KIAA1217: variants seen among roughly 807,000 people sequenced by gnomAD.
KIAA1217 encodes sickle tail protein homolog.
A neutral mutation model predicts 163.9 loss-of-function variants in KIAA1217; 88 were observed. The ratio of observed to expected loss-of-function variants is 0.54; its 90% CI spans 0.45 to 0.64. The LOEUF is 0.64. Among genes scored for constraint, KIAA1217 ranks in the 30% least tolerant of loss-of-function variants. KIAA1217 has a pLI of 0.00. For missense variants in KIAA1217, 2,372 were observed against 2,475.0 expected (o/e 0.96, Z 0.88); for synonymous variants, 903 against 923.1 (o/e 0.98, Z 0.39).
At chr10:24,167,965 A>G (rs1474014267) in intron 2 of KIAA1217, among the ~76,000 whole-genome samples, 2 of 152,192 alleles carry the variant, frequency 1.3e-5, no homozygotes, top group Non-Finnish European at 2.9e-5. Flanking sequence ...AACGTTGCCC[A>G]TCCATGAGAG....
Position 24,524,444 on chromosome 10 carries a change from G to A in KIAA1217, c.2578G>A (p.Gly860Ser), listed in dbSNP as rs146210961. 6.6e-5 allele frequency: 107 copies of A among 1,614,060 alleles called. No homozygotes were observed. Among genetic ancestry groups the A allele is most frequent in the Middle Eastern group, 1.6e-4 (1 of 6,084 alleles). ...KSQEEAAHTS[G>S]QPFHSTGAPG... ...TCAGGAGGAGGCAGCCCACACCTCC[G>A]GCCAGCCCTTCCACAGCACAGGTGC... Residue 860 changes from glycine (G) to serine (S), a missense_variant, in exon 13 of 21, where the codon GGC becomes AGC. Transcript: ENST00000376454.
intron 5 of KIAA1217, among the ~76,000 whole-genome samples, chr10:24,442,481 C>G (rs1170146869): frequency 6.6e-6 from 1 of 152,200 alleles, no homozygotes; most frequent in Admixed American, 6.5e-5. Context: ...TCTGCCATCT[C>G]TAGAATTCAA....
At chr10:24,399,848 T>C (rs546200473) in intron 3 of KIAA1217, among the ~76,000 whole-genome samples, 48 of 152,144 alleles carry the variant, frequency 3.2e-4, no homozygotes, top group African/African-American at 1.0e-3. Context: ...CAGGATGAAA[T>C]ATAATAATAA....
At chr10:23,904,706 A>C (rs1214255266) in intron 1 of KIAA1217, among the ~76,000 whole-genome samples, 1 of 152,132 alleles carries the variant, frequency 6.6e-6, no homozygotes, top group African/African-American at 2.4e-5. Flanking sequence ...ATCTGACTTC[A>C]TGGAGGGCAT....
At chr10:24,149,113 T>C (rs1232179639) in intron 2 of KIAA1217, among the ~76,000 whole-genome samples, 2 of 152,238 alleles carry the variant, frequency 1.3e-5, no homozygotes, top group East Asian at 1.9e-4. Flanking sequence ...AATTATTTGA[T>C]AGAACTGACA....
At chr10:24,232,515 A>G (rs992211984) in intron 2 of KIAA1217, among the ~76,000 whole-genome samples, 9 of 152,184 alleles carry the variant, frequency 5.9e-5, no homozygotes, top group African/African-American at 2.2e-4. Context: ...ATGGAAAGGC[A>G]AGAACCGAAG....
rs904774799 is a variant in KIAA1217 at position 23,705,298 on chromosome 10, GT to G, written c.-321+10072del. 1.1e-4 allele frequency among the ~76,000 whole-genome samples: 16 copies of G among 151,694 alleles called. 1 individual carries two copies. The highest frequency in any genetic ancestry group is 4.2e-4 in the South Asian group (2 of 4,800). On this transcript the variant is annotated intron_variant, in intron 1 of 18. Coordinates refer to the KIAA1217 transcript ENST00000376462. ...ATATGTTGATGAAGTACAATTATCT[GT>G]TTTTTTTCTTTTGTTGCTTGTGCAA...
At chr10:24,448,332 A>G (rs1184782298) in intron 5 of KIAA1217, among the ~76,000 whole-genome samples, 1 of 152,106 alleles carries the variant, frequency 6.6e-6, no homozygotes, top group Non-Finnish European at 1.5e-5. Context: ...AATAAGATAG[A>G]TCTGATTTTG....
chr10:23,920,784 C>T (rs1842821623), intron 1 of KIAA1217, among the ~76,000 whole-genome samples: 1 of 152,090 alleles, frequency 6.6e-6, no homozygotes. Context: ...TGGCTGTGTC[C>T]CCACCCAAAT....
chr10:23,911,706 G>C (rs1842436760), intron 1 of KIAA1217, among the ~76,000 whole-genome samples: 2 of 152,154 alleles, frequency 1.3e-5, no homozygotes, highest in African/African-American at 4.8e-5. Flanking sequence ...AGCTGGCCTT[G>C]CCTTTTTTCA....
At chr10:24,169,913 G>A (rs143867178) in intron 2 of KIAA1217, among the ~76,000 whole-genome samples, 54 of 152,180 alleles carry the variant, frequency 3.5e-4, no homozygotes, top group African/African-American at 1.3e-3. Flanking sequence ...AAACACCTAA[G>A]CTCCCTAAGT....
At chr10:23,812,425 G>T (rs1265441449) in intron 1 of KIAA1217, among the ~76,000 whole-genome samples, 4 of 152,140 alleles carry the variant, frequency 2.6e-5, no homozygotes, top group Admixed American at 2.0e-4. Flanking sequence ...ATTTGGCACA[G>T]GCCATAGTAG....
At chr10:23,815,516 C>T (rs181811093) in intron 1 of KIAA1217, among the ~76,000 whole-genome samples, 1,786 of 152,100 alleles carry the variant, frequency 0.012, 29 homozygotes, top group African/African-American at 0.041. Context: ...TGGTGGCAGG[C>T]GCCTGTAGTC....
chr10:24,189,605 T>C (rs556755911), intron 2 of KIAA1217, among the ~76,000 whole-genome samples: 2 of 152,204 alleles, frequency 1.3e-5, no homozygotes, highest in Admixed American at 1.3e-4. Flanking sequence ...AGCAAACAAA[T>C]TGATTTAATG....
chr10:24,271,403 A>G (rs1431705033), intron 2 of KIAA1217, among the ~76,000 whole-genome samples: 2 of 152,142 alleles, frequency 1.3e-5, no homozygotes, highest in South Asian at 4.2e-4. Context: ...TGCTAATTTC[A>G]GTTCTGACTA....
chr10:24,407,204 C>T (rs368743664), intron 3 of KIAA1217, among the ~76,000 whole-genome samples: 1 of 151,990 alleles, frequency 6.6e-6, no homozygotes, highest in Middle Eastern at 3.4e-3. Flanking sequence ...AATGTTTAAT[C>T]GTTGGTGATG....
At chr10:24,523,058 T>C (rs2071531420) in intron 12 of KIAA1217, among the ~76,000 whole-genome samples, 1 of 151,712 alleles carries the variant, frequency 6.6e-6, no homozygotes, top group Admixed American at 6.6e-5. Flanking sequence ...GAGGCTGAGA[T>C]GGGAGGATCA....
At chr10:24,312,177 G>A (rs538152615) in intron 2 of KIAA1217, among the ~76,000 whole-genome samples, 104 of 152,206 alleles carry the variant, frequency 6.8e-4, no homozygotes, top group Non-Finnish European at 1.2e-3. Flanking sequence ...AGGGCAGGAC[G>A]GAGAGGAGCC....
At chr10:24,074,703 C>CTTTTTTTTTTTTTTTTTTTTTTTTTTT (rs35168053) in intron 2 of KIAA1217, among the ~76,000 whole-genome samples, 1 of 99,488 alleles carries the variant, frequency 1.0e-5, no homozygotes, top group Admixed American at 1.1e-4. Context: ...TCTTCTTCTT[C>CTTTTTTTTTTTTTTTTTTTTTTTTTTT]TTTTTTTTTT....
Sources: allele counts gnomAD v4.1 joint callset (sites outside exome capture counted in the v4.1 genomes callset), GRCh38; gene constraint gnomAD v4.1.1; transcripts MANE v1.5; gene names NCBI Gene and HGNC (gene_info 2026-07-23, HGNC 2026-07-21).